SH3BGRL2: variants seen among roughly 807,000 people sequenced by gnomAD.
The protein encoded by SH3BGRL2 is SH3 domain binding glutamate rich protein like 2.
In SH3BGRL2, 21 loss-of-function variants were observed where a neutral mutation model predicts 14.8. The ratio of observed to expected loss-of-function variants is 1.42; its 90% confidence interval spans 1.01 to 2.05. SH3BGRL2 has a LOEUF of 2.05. Among genes scored for constraint, SH3BGRL2 ranks in the 30% most tolerant of loss-of-function variants. SH3BGRL2 has a pLI of 0.00. For missense variants in SH3BGRL2, 147 were observed against 130.8 expected, an observed-to-expected ratio of 1.12 and a Z score of -0.61; for synonymous variants, 50 against 47.8, an observed-to-expected ratio of 1.05 and a Z score of -0.19.
At chr6:79,643,020 C>T (rs918305293) in intron 1 of SH3BGRL2, among the ~76,000 whole-genome samples, 2 of 152,164 alleles carry the variant, frequency 1.3e-5, no homozygotes, top group African/African-American at 4.8e-5. Flanking sequence ...AGAGGGGACC[C>T]ATTGTGCTGA....
the SH3BGRL2 span, among the ~76,000 whole-genome samples, chr6:79,589,902 G>T: frequency 1.3e-5 from 2 of 152,078 alleles, no homozygotes; most frequent in African/African-American, 4.8e-5. Context: ...CTTCCAAGTG[G>T]CCGTGACTAC....
chr6:79,568,440 T>C, the SH3BGRL2 span, among the ~76,000 whole-genome samples: 124 of 152,314 alleles, frequency 8.1e-4, no homozygotes, highest in African/African-American at 2.8e-3. Flanking sequence ...TGAATGACTC[T>C]CTCAGACATA....
At chr6:79,574,107 C>T in the SH3BGRL2 span, 1 of 152,198 alleles carries the variant, frequency 6.6e-6, no homozygotes, top group Non-Finnish European at 1.5e-5. Flanking sequence ...CAAGTTTATT[C>T]ATGCTTGCAG....
the SH3BGRL2 span, among the ~76,000 whole-genome samples, chr6:79,619,927 G>A: frequency 5.2e-4 from 79 of 152,284 alleles, no homozygotes; most frequent in East Asian, 0.01. Flanking sequence ...TGGTTTTAAT[G>A]GGAAGCAAAG....
intron 1 of SH3BGRL2, among the ~76,000 whole-genome samples, chr6:79,640,477 T>A (rs1769008732): frequency 6.6e-6 from 1 of 152,170 alleles, no homozygotes; most frequent in South Asian, 2.1e-4. Context: ...GGGCCCCACC[T>A]CCCTACAAAC....
At chr6:79,688,351 T>C (rs1475316229) in intron 2 of SH3BGRL2, among the ~76,000 whole-genome samples, 2 of 152,150 alleles carry the variant, frequency 1.3e-5, no homozygotes, top group African/African-American at 4.8e-5. Flanking sequence ...TTGTCAGCAA[T>C]TGGCAATATA....
At chr6:79,578,107 A>G in the SH3BGRL2 span, among the ~76,000 whole-genome samples, 3 of 152,318 alleles carry the variant, frequency 2.0e-5, no homozygotes, top group African/African-American at 4.8e-5. Context: ...TAGGTAAACA[A>G]AGCAGCCGGG....
At chr6:79,606,821 T>G in the SH3BGRL2 span, among the ~76,000 whole-genome samples, 1,085 of 152,288 alleles carry the variant, frequency 7.1e-3, 14 homozygotes, top group African/African-American at 0.024. Flanking sequence ...ATTCTTGCTT[T>G]CTTTCTTTTT....
At chr6:79,568,851 C>G in the SH3BGRL2 span, among the ~76,000 whole-genome samples, 1 of 151,962 alleles carries the variant, frequency 6.6e-6, no homozygotes, top group African/African-American at 2.4e-5. Context: ...ATTGTACATA[C>G]TTATTTTATA....
At chr6:79,693,298 T>A (rs1415515014) in intron 2 of SH3BGRL2, among the ~76,000 whole-genome samples, 1 of 151,878 alleles carries the variant, frequency 6.6e-6, no homozygotes, top group East Asian at 1.9e-4. Context: ...TCATGTCATC[T>A]GCAAACAGGG....
the SH3BGRL2 span, among the ~76,000 whole-genome samples, chr6:79,618,698 C>T: frequency 3.8e-4 from 58 of 151,432 alleles, no homozygotes; most frequent in South Asian, 0.012. Flanking sequence ...GCGGGTGGAT[C>T]ACTTGAAGTC....
the SH3BGRL2 span, chr6:79,575,376 T>G: frequency 6.6e-6 from 1 of 152,166 alleles, no homozygotes; most frequent in Non-Finnish European, 1.5e-5. Context: ...ACTATATTGG[T>G]GGGTTTATTA....
At chr6:79,665,549 T>G (rs902094469) in intron 1 of SH3BGRL2, among the ~76,000 whole-genome samples, 1 of 152,096 alleles carries the variant, frequency 6.6e-6, no homozygotes, top group Admixed American at 6.6e-5. Context: ...ATTATAAACA[T>G]GTAAAAAAGA....
chr6:79,601,642 T>A, the SH3BGRL2 span, among the ~76,000 whole-genome samples: 1 of 152,218 alleles, frequency 6.6e-6, no homozygotes, highest in Non-Finnish European at 1.5e-5. Context: ...AATACATACT[T>A]ATTCTCACTT....
the SH3BGRL2 span, among the ~76,000 whole-genome samples, chr6:79,587,882 A>G: frequency 1.3e-5 from 2 of 152,246 alleles, no homozygotes; most frequent in Admixed American, 6.5e-5. Flanking sequence ...AGACAAAGAA[A>G]AAAGAAGTTT....
chr6:79,539,641 A>G, the SH3BGRL2 span, among the ~76,000 whole-genome samples: 2 of 152,256 alleles, frequency 1.3e-5, no homozygotes, highest in African/African-American at 4.8e-5. Context: ...TGTAGATGTT[A>G]TAATGTAACT....
chr6:79,651,359 G>A (rs16890896), intron 1 of SH3BGRL2, among the ~76,000 whole-genome samples: 5,328 of 152,198 alleles, frequency 0.035, 317 homozygotes, highest in African/African-American at 0.12. Flanking sequence ...TAGTGGCACC[G>A]TAAATTCATA....
the SH3BGRL2 span, among the ~76,000 whole-genome samples, chr6:79,555,872 A>T: frequency 6.6e-6 from 1 of 152,218 alleles, no homozygotes; most frequent in African/African-American, 2.4e-5. Context: ...CCAAATATTA[A>T]AATAATATAG....
the SH3BGRL2 span, among the ~76,000 whole-genome samples, chr6:79,603,467 A>G: frequency 6.6e-6 from 1 of 152,258 alleles, no homozygotes; most frequent in Non-Finnish European, 1.5e-5. Context: ...TCTGTCCTCC[A>G]CAAAGACTTC....
Sources: allele counts gnomAD v4.1 joint callset (sites outside exome capture counted in the v4.1 genomes callset), GRCh38; gene constraint gnomAD v4.1.1; transcripts MANE v1.5; gene names NCBI Gene and HGNC (gene_info 2026-07-23, HGNC 2026-07-21).